Variants in TBCE observed in about 807,000 individuals in gnomAD.
TBCE encodes the protein tubulin folding cofactor E, also known as tubulin-specific chaperone E.
TBCE carries 53 observed loss-of-function variants against 77.0 expected under a neutral mutation model. The ratio of observed to expected loss-of-function variants is 0.69; its 90% CI spans 0.55 to 0.87. The LOEUF (loss-of-function observed/expected upper bound fraction) is 0.87, where lower values mean the gene tolerates loss of function less well. Among genes scored for constraint, TBCE ranks in the 40% least tolerant of loss-of-function variants. The pLI, the probability that TBCE is intolerant of heterozygous loss-of-function variation, is 0.00. For missense variants in TBCE, 624 were observed against 622.4 expected, an observed-to-expected ratio of 1.00 and a Z score of -0.03; for synonymous variants, 235 against 241.3, an observed-to-expected ratio of 0.97 and a Z score of 0.24.
At position 235,385,395 on chromosome 1, in the gene TBCE, C is replaced by A. The variant is rs568253298; in HGVS notation, c.100+5246C>A. Among the ~76,000 whole-genome samples the A allele has an allele frequency of 1.7e-3, 257 of 152,134 alleles. 2 individuals carry two copies. Among genetic ancestry groups the A allele is most frequent in the African/African-American group, 6.1e-3 (252 of 41,476 alleles). ...CTTGTTAACTTTCTGTCTCGTTGATCTGTCTAATGTTGACAGTGGGGTGTT... is the reference window on the plus strand; with the variant it reads ...CTTGTTAACTTTCTGTCTCGTTGATATGTCTAATGTTGACAGTGGGGTGTT... On this transcript the variant is annotated intron_variant, in intron 2 of 16. Transcript: ENST00000642610.
chr1:235,414,047 G>T (rs1572390761), intron 3 of TBCE: 2 of 281,136 alleles, frequency 7.1e-6, no homozygotes, highest in East Asian at 2.0e-4. Flanking sequence ...TAGAGATGGG[G>T]GTTTCGCCAT....
At chr1:235,448,265 G>T in intron 15 of TBCE, 84 bp from the exon 16 acceptor site, 58 of 812,004 alleles carry the variant, frequency 7.1e-5, no homozygotes, top group Non-Finnish European at 1.1e-4. Context: ...TCATTGCAAT[G>T]ATACTGTGGT....
At chr1:235,413,363 T>TA (rs869060658) in intron 3 of TBCE, among the ~76,000 whole-genome samples, 15,086 of 138,440 alleles carry the variant, frequency 0.11, 879 homozygotes, top group African/African-American at 0.17. Context: ...CCCCTTTCTT[T>TA]AAAAAAAAAA....
At chr1:235,385,411 G>A (rs1311582006) in intron 2 of TBCE, among the ~76,000 whole-genome samples, 2 of 152,022 alleles carry the variant, frequency 1.3e-5, no homozygotes, top group African/African-American at 4.8e-5. Flanking sequence ...AATGTTGACA[G>A]TGGGGTGTTA....
At chr1:235,402,487 G>T (rs1437171186) in intron 3 of TBCE, among the ~76,000 whole-genome samples, 1 of 152,066 alleles carries the variant, frequency 6.6e-6, no homozygotes, top group Non-Finnish European at 1.5e-5. Context: ...TGTTGTTGTT[G>T]ATTTTTATTA....
intron 1 of TBCE, 103 bp from the exon 2 acceptor site, chr1:235,379,916 C>T: frequency 4.4e-6 from 3 of 686,190 alleles, no homozygotes; most frequent in Non-Finnish European, 4.9e-6. Flanking sequence ...CCACTGCACT[C>T]CAGCCTGGGC....
intron 1 of TBCE, among the ~76,000 whole-genome samples, chr1:235,367,898 A>G (rs2102785138): frequency 6.6e-6 from 1 of 152,222 alleles, no homozygotes; most frequent in East Asian, 1.9e-4. Flanking sequence ...AGAGCACTTA[A>G]AGTAACTGTT....
chr1:235,373,965 TA>T lies in TBCE; in HGVS notation c.-31-6051del, dbSNP rs1213773815. ...CACCCAGACTTGTATTTTTATTTTT[TA>T]AATTTTAAAATTTTATTTATTTTTT... On this transcript the variant is annotated intron_variant, in intron 1 of 16. Coordinates refer to ENST00000642610, the MANE Select transcript of TBCE (RefSeq NM_003193.5). 6.2e-5 allele frequency among the ~76,000 whole-genome samples: 9 copies of T among 145,822 alleles called. 1 individual carries two copies. Among genetic ancestry groups the T allele is most frequent in the African/African-American group, 2.4e-4 (9 of 37,840 alleles).
Position 235,437,388 on chromosome 1 carries a change from C to T in TBCE, c.1030C>T (p.Leu344=), listed in dbSNP as rs12759716. 1 of 1,614,156 alleles carries T rather than the reference C, an allele frequency of 6.2e-7. No homozygotes were observed. The highest frequency in any genetic ancestry group is 8.5e-7 in the Non-Finnish European group (1 of 1,180,042). Residue 344 remains leucine (L), a synonymous_variant, in exon 12 of 17, where the codon CTG becomes TTG. Transcript: ENST00000642610. ...GGCTTTGTCCTGCCTAAGAAACCCC[C>T]TGACCAAAGAGGACAAAGAAGCAGA... is the stretch of plus-strand genomic sequence containing the variant. ...LRALSCLRNP[L]TKEDKEAETA...
rs61192556 is a variant in TBCE, at chr1:235,430,443, A to G, written c.561-262A>G. 0.011 allele frequency: 3,972 copies of G among 353,230 alleles called. 151 individuals are homozygous for G. The highest frequency in any genetic ancestry group is 0.077 in the African/African-American group (3,642 of 47,100). The allele number at this position is 353,230 out of a possible 1,614,324, so 21.9% of individuals were successfully genotyped here. A position where few individuals can be genotyped will look rare whatever the true frequency, so the allele number is the denominator to read the frequency against. Reference sequence around the variant, plus strand: ...CCTGAGTTTTGGGTTTAGGAAGCCTACAGCCGCATACAGGTGCCCTAATCC... The same window carrying G: ...CCTGAGTTTTGGGTTTAGGAAGCCTGCAGCCGCATACAGGTGCCCTAATCC... On this transcript the variant is annotated intron_variant, in intron 6 of 16. Transcript: ENST00000642610.
At chr1:235,384,441 G>C (rs1221427454) in intron 2 of TBCE, among the ~76,000 whole-genome samples, 1 of 141,782 alleles carries the variant, frequency 7.1e-6, no homozygotes, top group Non-Finnish European at 1.5e-5. Flanking sequence ...GAATCCATCT[G>C]GTCCTGGACT....
At chr1:235,402,708 C>CT (rs1392531135) in intron 3 of TBCE, among the ~76,000 whole-genome samples, 2 of 152,156 alleles carry the variant, frequency 1.3e-5, no homozygotes, top group East Asian at 3.9e-4. Context: ...CACTGTCACC[C>CT]TGAACTCCTG....
chr1:235,385,416 G>T (rs989009250), intron 2 of TBCE, among the ~76,000 whole-genome samples: 7 of 152,080 alleles, frequency 4.6e-5, no homozygotes, highest in Non-Finnish European at 7.4e-5. Context: ...TGACAGTGGG[G>T]TGTTAAAGTC....
intron 6 of TBCE, 84 bp downstream of exon 6, chr1:235,427,323 T>C (rs1263410882): frequency 9.1e-7 from 1 of 1,098,124 alleles, no homozygotes. Flanking sequence ...TGGAAAGAGG[T>C]AGGGAGCCGG....
chr1:235,425,033 G>T (rs888015647), intron 5 of TBCE, among the ~76,000 whole-genome samples: 3 of 152,136 alleles, frequency 2.0e-5, no homozygotes, highest in Admixed American at 6.5e-5. Context: ...GTACCCCAAG[G>T]CTCAGACTTG....
At chr1:235,447,652 T>C (rs1303315510) in intron 15 of TBCE, among the ~76,000 whole-genome samples, 1 of 152,178 alleles carries the variant, frequency 6.6e-6, no homozygotes, top group Non-Finnish European at 1.5e-5. Flanking sequence ...CCCATTCCAG[T>C]GTTCGTTCAG....
At chr1:235,403,383 A>G (rs1018432937) in intron 3 of TBCE, among the ~76,000 whole-genome samples, 5 of 151,878 alleles carry the variant, frequency 3.3e-5, no homozygotes, top group Non-Finnish European at 7.4e-5. Context: ...ATTTTTTTGT[A>G]TTTTTAGTAG....
chr1:235,403,719 G>C (rs958395044), intron 3 of TBCE, among the ~76,000 whole-genome samples: 1 of 152,156 alleles, frequency 6.6e-6, no homozygotes, highest in Non-Finnish European at 1.5e-5. Flanking sequence ...CCTTGGTTCA[G>C]GGACATTGAG....
At chr1:235,380,608 C>T (rs906479090) in intron 2 of TBCE, among the ~76,000 whole-genome samples, 1 of 151,870 alleles carries the variant, frequency 6.6e-6, no homozygotes, top group Non-Finnish European at 1.5e-5. Context: ...TATGTTTCTA[C>T]AGCATTATTT....
Sources: gnomAD v4.1 joint callset for allele counts (sites outside exome capture counted in the v4.1 genomes callset) on GRCh38, gnomAD v4.1.1 for gene constraint, MANE v1.5 for transcripts, NCBI Gene and HGNC (gene_info 2026-07-23, HGNC 2026-07-21) for gene names.